LGR6: variants seen among roughly 807,000 people sequenced by gnomAD.
LGR6 encodes leucine-rich repeat-containing G protein-coupled receptor 6.
LGR6 carries 45 observed loss-of-function variants against 69.4 expected under a neutral mutation model. The observed-to-expected ratio is 0.65, with a 90% CI of 0.51 to 0.83. The LOEUF is 0.83. Among genes scored for constraint, LGR6 ranks in the 40% least tolerant of loss-of-function variants. LGR6 has a pLI of 0.00. For synonymous variants in LGR6, 538 were observed against 555.0 expected (o/e 0.97, Z 0.43); for missense variants, 1,108 against 1,246.7 (o/e 0.89, Z 1.68).
intron 1 of LGR6, among the ~76,000 whole-genome samples, chr1:202,224,337 C>T (rs1213751671): frequency 6.6e-6 from 1 of 152,090 alleles, no homozygotes; most frequent in Non-Finnish European, 1.5e-5. Context: ...ACACTGAAAC[C>T]ACCCACAGGG....
At chr1:202,251,742 C>A (rs919372650) in intron 4 of LGR6, among the ~76,000 whole-genome samples, 2 of 152,242 alleles carry the variant, frequency 1.3e-5, no homozygotes, top group African/African-American at 4.8e-5. Flanking sequence ...TAGCCTGCCT[C>A]TCAGCTGCAC....
chr1:202,229,488 G>A (rs573650661), intron 3 of LGR6, among the ~76,000 whole-genome samples: 11 of 152,218 alleles, frequency 7.2e-5, no homozygotes, highest in Non-Finnish European at 4.4e-5. Flanking sequence ...CCTGCAGCCC[G>A]GATTAGAGAG....
chr1:202,194,236 C>G (rs2077598), intron 1 of LGR6, 35 bp downstream of exon 1: 1,094,341 of 1,471,304 alleles, frequency 0.74, 415,265 homozygotes, highest in South Asian at 0.89. Flanking sequence ...CCTGGTCCTG[C>G]GGGCTGCTGG....
At chr1:202,300,798 C>T in intron 7 of LGR6, 51 bp from the exon 8 acceptor site, 1 of 1,370,124 alleles carries the variant, frequency 7.3e-7, no homozygotes, top group Non-Finnish European at 1.0e-6. Flanking sequence ...ATGCCTCTCC[C>T]TCTCTATACC....
chr1:202,226,188 A>G (rs1660536220), intron 2 of LGR6, among the ~76,000 whole-genome samples: 1 of 152,148 alleles, frequency 6.6e-6, no homozygotes, highest in South Asian at 2.1e-4. Flanking sequence ...GATTAGAGTG[A>G]CTGGACTGCC....
intron 4 of LGR6, among the ~76,000 whole-genome samples, chr1:202,259,536 G>A (rs1382522061): frequency 6.6e-6 from 1 of 152,028 alleles, no homozygotes; most frequent in Non-Finnish European, 1.5e-5. Flanking sequence ...TTTTCCATCT[G>A]TGCTAATATA....
intron 6 of LGR6, among the ~76,000 whole-genome samples, chr1:202,289,207 C>T (rs549939248): frequency 5.2e-4 from 79 of 152,202 alleles, no homozygotes; most frequent in Non-Finnish European, 1.0e-3. Context: ...ACGGGCACTC[C>T]AGCTGACAGT....
At chr1:202,205,369 AACACACACACCT>A (rs1659139466) in intron 1 of LGR6, among the ~76,000 whole-genome samples, 2 of 778 alleles carry the variant, frequency 2.6e-3, no homozygotes, top group African/African-American at 4.1e-3. Flanking sequence ...CACACCTCCA[AACACACACACCT>A]CACACACCTC....
chr1:202,210,161 G>C (rs999012591), intron 1 of LGR6, among the ~76,000 whole-genome samples: 1 of 152,116 alleles, frequency 6.6e-6, no homozygotes, highest in South Asian at 2.1e-4. Context: ...CCTCAACTCT[G>C]GGGGAGGCCT....
intron 7 of LGR6, among the ~76,000 whole-genome samples, chr1:202,300,441 C>T (rs1056745248): frequency 1.3e-5 from 2 of 152,074 alleles, no homozygotes; most frequent in African/African-American, 4.8e-5. Flanking sequence ...ATCACTTTAG[C>T]CCAGGAGTTC....
At chr1:202,218,874 T>C (rs1357348881) in intron 1 of LGR6, among the ~76,000 whole-genome samples, 1 of 152,186 alleles carries the variant, frequency 6.6e-6, no homozygotes, top group African/African-American at 2.4e-5. Flanking sequence ...AGTACATATA[T>C]GGAGGTTTGC....
At chr1:202,289,579 C>A (rs1034031342) in intron 6 of LGR6, among the ~76,000 whole-genome samples, 1 of 152,198 alleles carries the variant, frequency 6.6e-6, no homozygotes, top group Non-Finnish European at 1.5e-5. Flanking sequence ...CTGTGTCTCT[C>A]AATGGAAGCT....
At chr1:202,204,310 C>A (rs1173663698) in intron 1 of LGR6, among the ~76,000 whole-genome samples, 13 of 121,762 alleles carry the variant, frequency 1.1e-4, no homozygotes, top group Admixed American at 1.0e-3. Context: ...ACACACACAC[C>A]CAACACACAC....
chr1:202,250,009 C>A (rs761015016), intron 4 of LGR6, among the ~76,000 whole-genome samples: 7 of 152,254 alleles, frequency 4.6e-5, no homozygotes, highest in Non-Finnish European at 1.0e-4. Flanking sequence ...AGGCAACCCA[C>A]AACCTGGCTC....
At chr1:202,313,071 C>CA (rs1266633648) in intron 16 of LGR6, among the ~76,000 whole-genome samples, 3 of 150,596 alleles carry the variant, frequency 2.0e-5, no homozygotes, top group East Asian at 3.9e-4. Flanking sequence ...TAAAAAAATA[C>CA]AAAAAATTAG....
chr1:202,221,577 G>C (rs1230723664), intron 1 of LGR6, among the ~76,000 whole-genome samples: 2 of 152,070 alleles, frequency 1.3e-5, no homozygotes, highest in Non-Finnish European at 2.9e-5. Context: ...GTATCCCAAG[G>C]GCTCCCAGGA....
At chr1:202,239,342 GTGGTGTGTGT>G (rs1251189538) in intron 4 of LGR6, among the ~76,000 whole-genome samples, 12 of 106,508 alleles carry the variant, frequency 1.1e-4, no homozygotes, top group African/African-American at 1.6e-4. Flanking sequence ...TTGTGTGTGT[GTGGTGTGTGT>G]GTGTGTGTGT....
At position 202,318,741 on chromosome 1, in the gene LGR6, T is replaced by C. The variant is rs371558456; in HGVS notation, c.2438T>C (p.Leu813Pro). 6.2e-6 allele frequency: 10 copies of C among 1,613,422 alleles called. No homozygotes were observed. Among genetic ancestry groups the C allele is most frequent in the Non-Finnish European group, 8.5e-6 (10 of 1,179,998 alleles). Residue 813 changes from leucine (L) to proline (P), a missense_variant, in exon 18 of 18, where the codon CTG (leucine) becomes CCG (proline). By Grantham distance (98) the Leu-to-Pro change is moderately conservative. Transcript: ENST00000367278. ...VTPEAVKSVL[L>P]VVLPLPACLN... ...CCCGAGGCCGTCAAGTCTGTCCTGC[T>C]GGTGGTGCTGCCCCTGCCTGCCTGC... is the stretch of plus-strand genomic sequence containing the variant.
chr1:202,232,200 C>T (rs996559263), intron 3 of LGR6, among the ~76,000 whole-genome samples: 1 of 152,116 alleles, frequency 6.6e-6, no homozygotes, highest in African/African-American at 2.4e-5. Context: ...ACACTCCAGG[C>T]TGCATCTTAC....
Sources: allele counts gnomAD v4.1 joint callset (sites outside exome capture counted in the v4.1 genomes callset), GRCh38; gene constraint gnomAD v4.1.1; transcripts MANE v1.5; gene names NCBI Gene and HGNC (gene_info 2026-07-23, HGNC 2026-07-21).